ASPM: variants seen among roughly 807,000 people sequenced by gnomAD.
ASPM encodes the protein assembly factor for spindle microtubules.
ASPM carries 256 observed loss-of-function variants against 366.4 expected under a neutral mutation model. The ratio of observed to expected loss-of-function variants is 0.70; its 90% CI spans 0.63 to 0.77. The LOEUF (loss-of-function observed/expected upper bound fraction) is 0.77. Among genes scored for constraint, ASPM ranks in the 30% least tolerant of loss-of-function variants. ASPM has a pLI of 0.00. For synonymous variants in ASPM, 1,414 were observed against 1,342.9 expected (o/e 1.05, Z -1.16); for missense variants, 4,146 against 4,090.4 (o/e 1.01, Z -0.37).
intron 18 of ASPM, among the ~76,000 whole-genome samples, chr1:197,097,238 T>G (rs1656999780): frequency 6.6e-6 from 1 of 151,768 alleles, no homozygotes; most frequent in Non-Finnish European, 1.5e-5. Context: ...TTGTAAAACA[T>G]GTTGTTCCTT....
Position 197,129,922 on chromosome 1 carries a change from A to G in ASPM, c.2622T>C (p.Tyr874=), listed in dbSNP as rs1375983307. Reference sequence around the variant, plus strand: ...AGAGGCAGAGATACTTACCATCTCTATACAGGTGAGGAACAGTGGGGTGTC... The same window carrying G: ...AGAGGCAGAGATACTTACCATCTCTGTACAGGTGAGGAACAGTGGGGTGTC... The part of the protein sequence containing the change: ...EYRHPTVPHL[Y]RDGHEEALSK... Residue 874 remains tyrosine, a synonymous_variant, in exon 8 of 28, where the codon TAT becomes TAC. Transcript: ENST00000367409. The G allele has an allele frequency of 6.2e-7, 1 of 1,613,484 alleles. No individual in the cohort carries two copies. Among genetic ancestry groups the G allele is most frequent in the African/African-American group, 1.3e-5 (1 of 74,928 alleles).
At chr1:197,095,067 C>T (rs1446310024) in intron 19 of ASPM, among the ~76,000 whole-genome samples, 1 of 151,706 alleles carries the variant, frequency 6.6e-6, no homozygotes, top group African/African-American at 2.4e-5. Context: ...TCCATCACCT[C>T]GAACATTTAT....
chr1:197,115,918 T>C (rs557385351), intron 17 of ASPM, among the ~76,000 whole-genome samples: 2 of 152,322 alleles, frequency 1.3e-5, no homozygotes, highest in East Asian at 3.9e-4. Flanking sequence ...AAGTCACCAG[T>C]TGCATTAGCC....
chr1:197,096,127 C>T lies in ASPM; in HGVS notation c.8858G>A (p.Cys2953Tyr), dbSNP rs900925514. 5 of 1,608,810 alleles carry T rather than the reference C, an allele frequency of 3.1e-6. No homozygotes were observed. Among genetic ancestry groups the T allele is most frequent in the Middle Eastern group, 1.7e-4 (1 of 6,054 alleles). The change falls in exon 19 of 28, where the codon TGT becomes TAT. Residue 2953 changes from cysteine (C) to tyrosine (Y), a missense_variant. By Grantham distance (194) the Cys-to-Tyr change is radical. Around this residue, in one of 3 missense-constraint regions of ASPM, gnomAD observed 3,624 missense variants for 3,591.7 expected, o/e 1.01. Coordinates refer to ENST00000367409, the MANE Select transcript of ASPM (RefSeq NM_018136.5). ...WRRYRAKKYL[C>Y]KVKAACKIQA... ...AATCTTGCAGGCAGCTTTCACTTTA[C>T]ATAAATATTTCTTGGCTCTATATCT...
Position 197,102,016 on chromosome 1 carries a change from G to T in ASPM, c.7235C>A (p.Thr2412Asn), listed in dbSNP as rs376686304. 3.1e-6 allele frequency: 5 copies of T among 1,612,930 alleles called. No homozygotes were observed. The highest frequency in any genetic ancestry group is 4.2e-6 in the Non-Finnish European group (5 of 1,179,322). ...RHLKSMHSSATLIQSRFRSLL... is the reference protein window; with the variant it reads ...RHLKSMHSSANLIQSRFRSLL... The stretch of plus-strand genomic sequence containing the variant: ...TGATCTAAACCTACTCTGAATAAGG[G>T]TTGCAGAGGAATGCATACTCTTCAA... Residue 2412 changes from threonine (T) to asparagine (N), a missense_variant, in exon 18 of 28, where the codon ACC becomes AAC. Thr to Asn is a moderately conservative substitution (Grantham distance 65). This residue lies in a region of ASPM where 3,624 missense variants were observed against 3,591.7 expected (regional missense o/e 1.01). Transcript: ENST00000367409.
chr1:197,130,843 C>G (rs80205116), intron 7 of ASPM, among the ~76,000 whole-genome samples: 1 of 152,180 alleles, frequency 6.6e-6, no homozygotes, highest in Non-Finnish European at 1.5e-5. Flanking sequence ...ACATTCCTAA[C>G]TAGTTTGTGC....
chr1:197,100,892 C>G lies in ASPM; in HGVS notation c.8359G>C (p.Val2787Leu). 6.2e-7 allele frequency: 1 copy of G among 1,612,680 alleles called. No individual in the cohort carries two copies. Among genetic ancestry groups the G allele is most frequent in the South Asian group, 1.1e-5 (1 of 91,056 alleles). The change falls in exon 18 of 28, where the codon GTT (valine) becomes CTT (leucine). Residue 2787 changes from valine to leucine, a missense_variant. Val to Leu is a conservative substitution (Grantham distance 32). Around this residue, in one of 3 missense-constraint regions of ASPM, gnomAD observed 3,624 missense variants for 3,591.7 expected, o/e 1.01. Transcript: ENST00000367409. ...TGAATCATAACACCTTCACTTTGAA[C>G]AGCTTCATACTGAGTTTTACTTCTG... ...CYRSKTQYEA[V>L]QSEGVMIQEW...
intron 16 of ASPM, among the ~76,000 whole-genome samples, chr1:197,118,353 T>C (rs1657802375): frequency 6.6e-6 from 1 of 152,002 alleles, no homozygotes; most frequent in Non-Finnish European, 1.5e-5. Flanking sequence ...AGGGGAGGAT[T>C]GTATGAAAAA....
At position 197,143,269 on chromosome 1, in the gene ASPM, G is replaced by A; in HGVS notation, c.983C>T (p.Ala328Val). 3.1e-6 allele frequency: 5 copies of A among 1,612,478 alleles called. No individual in the cohort carries two copies. Among genetic ancestry groups the A allele is most frequent in the Non-Finnish European group, 4.2e-6 (5 of 1,178,780 alleles). ...PDSFVNNSHG[A>V]NNELELVTCL... ...TGTTACTAATTCTAGTTCATTATTA[G>A]CTCCATGACTATTATTTACAAAAGA... The change falls in exon 3 of 28, where the codon GCT becomes GTT. Residue 328 changes from alanine to valine, a missense_variant. Coordinates refer to ENST00000367409, the MANE Select transcript of ASPM (RefSeq NM_018136.5).
intron 22 of ASPM, 98 bp from the exon 23 acceptor site, chr1:197,091,139 A>C: frequency 9.4e-7 from 1 of 1,059,552 alleles, no homozygotes; most frequent in Non-Finnish European, 1.4e-6. Flanking sequence ...GAAATAGAAC[A>C]GTATATCAAG....
chr1:197,100,323 A>C (rs925646566), intron 18 of ASPM, 108 bp downstream of exon 18: 1 of 799,520 alleles, frequency 1.3e-6, no homozygotes, highest in African/African-American at 1.8e-5. Context: ...GGTCACCTCA[A>C]CTAAGTACTA....
Sources: gnomAD v4.1 joint callset for allele counts (sites outside exome capture counted in the v4.1 genomes callset) on GRCh38, gnomAD v4.1.1 for gene constraint, gnomAD v4.1.1 regional missense constraint, MANE v1.5 for transcripts, NCBI Gene and HGNC (gene_info 2026-07-23, HGNC 2026-07-21) for gene names.